Variants in WWC1 observed in about 807,000 individuals in gnomAD.
The protein encoded by WWC1 is protein KIBRA.
A neutral mutation model predicts 138.4 loss-of-function variants in WWC1; 55 were observed. The observed-to-expected ratio is 0.40, with a 90% CI of 0.32 to 0.50. The LOEUF (loss-of-function observed/expected upper bound fraction) is 0.50. Among genes scored for constraint, WWC1 ranks in the 20% least tolerant of loss-of-function variants. The probability of loss-of-function intolerance (pLI) is 0.72; values close to 1 mark genes in which losing one functional copy is unlikely to be tolerated. For missense variants in WWC1, 1,226 were observed against 1,420.4 expected (o/e 0.86, Z 2.20); for synonymous variants, 524 against 564.9 (o/e 0.93, Z 1.03).
At chr5:168,381,405 A>T (rs1360401060) in intron 2 of WWC1, among the ~76,000 whole-genome samples, 1 of 152,124 alleles carries the variant, frequency 6.6e-6, no homozygotes, top group African/African-American at 2.4e-5. Flanking sequence ...TGGGCAGGCG[A>T]TTCCACCTGG....
chr5:168,403,083 CTTTCTTT>C (rs1779503021), intron 5 of WWC1, among the ~76,000 whole-genome samples: 12 of 100,518 alleles, frequency 1.2e-4, no homozygotes, highest in East Asian at 2.9e-4. Context: ...TCTTTCTTTT[CTTTCTTT>C]TCTTTCTTTC....
At chr5:168,468,046 C>G in intron 22 of WWC1, 82 bp downstream of exon 22, 3 of 1,576,348 alleles carry the variant, frequency 1.9e-6, no homozygotes, top group African/African-American at 1.4e-5. Context: ...TCTTACTGCT[C>G]TCATCCCTTG....
intron 3 of WWC1, among the ~76,000 whole-genome samples, chr5:168,385,857 C>T (rs990186254): frequency 1.1e-4 from 17 of 152,152 alleles, no homozygotes; most frequent in South Asian, 4.2e-4. Flanking sequence ...ATATATTTAC[C>T]GCAATTTCAA....
intron 17 of WWC1, among the ~76,000 whole-genome samples, chr5:168,447,871 C>T (rs1561780652): frequency 2.0e-5 from 3 of 151,586 alleles, no homozygotes. Flanking sequence ...GTTTCTCTGC[C>T]TCTCTCTCTC....
chr5:168,468,298 T>C (rs1757466591), intron 22 of WWC1, among the ~76,000 whole-genome samples: 1 of 152,138 alleles, frequency 6.6e-6, no homozygotes, highest in Non-Finnish European at 1.5e-5. Context: ...CTAGGGGTGA[T>C]GGATGCTCGC....
chr5:168,426,366 C>G (rs1160784837), intron 11 of WWC1, among the ~76,000 whole-genome samples: 1 of 152,058 alleles, frequency 6.6e-6, no homozygotes, highest in African/African-American at 2.4e-5. Flanking sequence ...ACACTCAGAC[C>G]CCAGCTATGT....
chr5:168,464,737 G>A lies in WWC1; in HGVS notation c.2925G>A (p.Ser975=), dbSNP rs760684557. 49 of 1,614,016 alleles carry A rather than the reference G, an allele frequency of 3.0e-5. No homozygotes were observed. The South Asian group carries it at 3.4e-4, about 11-fold the overall frequency. The change falls in exon 21 of 23, where the codon TCG becomes TCA. Residue 975 remains serine (S), a synonymous_variant. Transcript: ENST00000265293. ...CGTCCCCACCCCCACAGCCTTCCTC[G>A]GTCAAGTCGCTGCGCTCCGAGCGTC... ...RRSVRMKRPS[S]VKSLRSERLI...
intron 15 of WWC1, among the ~76,000 whole-genome samples, chr5:168,435,933 C>A (rs972424194): frequency 6.6e-6 from 1 of 152,000 alleles, no homozygotes; most frequent in Non-Finnish European, 1.5e-5. Context: ...ACCTCCGCTT[C>A]CCGGGTCCAA....
chr5:168,326,439 A>G (rs977330871), intron 1 of WWC1, among the ~76,000 whole-genome samples: 2 of 150,256 alleles, frequency 1.3e-5, no homozygotes, highest in African/African-American at 4.9e-5. Flanking sequence ...CTGGTCTCGA[A>G]CTCCCCACCT....
At position 168,423,947 on chromosome 5, in the gene WWC1, C is replaced by T. The variant is rs374833326; in HGVS notation, c.1689C>T (p.Asn563=). ...DPLLAGDAFL[N]SLEFEDPELS... Reference sequence around the variant, plus strand: ...TCCTGGCTGGTGATGCCTTCCTCAACTCCTTGGAGTTTGAAGACCCGGAGC... The same window carrying T: ...TCCTGGCTGGTGATGCCTTCCTCAATTCCTTGGAGTTTGAAGACCCGGAGC... Residue 563 remains asparagine (N), a synonymous_variant, in exon 11 of 23, where the codon AAC becomes AAT. Coordinates refer to ENST00000265293, the MANE Select transcript of WWC1 (RefSeq NM_015238.3). 14 of 1,614,042 alleles carry T rather than the reference C, an allele frequency of 8.7e-6. No homozygotes were observed. The highest frequency in any genetic ancestry group is 6.7e-5 in the East Asian group (3 of 44,882).
rs561143579 is a variant in WWC1 at position 168,370,567 on chromosome 5, T to C, written c.120-857T>C. On this transcript the variant is annotated intron_variant, in intron 1 of 22. Coordinates refer to ENST00000265293, the MANE Select transcript of WWC1 (RefSeq NM_015238.3). ...TATGTATTTTAGGCAGAGGCAGTGA[T>C]GGGAAGAAACCAAAGTGACTGTCTG... 1.4e-4 allele frequency among the ~76,000 whole-genome samples: 21 copies of C among 152,264 alleles called. No homozygotes were observed. In the South Asian group the frequency reaches 4.4e-3, roughly 32 times the overall value.
At chr5:168,347,809 G>C (rs986434005) in intron 1 of WWC1, among the ~76,000 whole-genome samples, 3 of 152,182 alleles carry the variant, frequency 2.0e-5, no homozygotes, top group African/African-American at 7.2e-5. Flanking sequence ...TATCAAGAAT[G>C]ATTCTGTCCC....
At chr5:168,306,820 C>T (rs10064645) in intron 1 of WWC1, among the ~76,000 whole-genome samples, 3,228 of 152,324 alleles carry the variant, frequency 0.021, 117 homozygotes, top group African/African-American at 0.073. Context: ...TGGTCTGGAA[C>T]TCCTGACCTC....
chr5:168,432,075 T>C (rs1025931774), intron 15 of WWC1, among the ~76,000 whole-genome samples: 1 of 141,432 alleles, frequency 7.1e-6, no homozygotes, highest in South Asian at 2.2e-4. Flanking sequence ...AAGCACAGAG[T>C]AATGAAAGCA....
chr5:168,292,397 T>G lies in WWC1; in HGVS notation c.119+126T>G. The G allele has an allele frequency of 1.8e-6, 2 of 1,110,580 alleles. No homozygotes were observed. The highest frequency in any genetic ancestry group is 2.5e-6 in the Non-Finnish European group (2 of 796,008). The allele number at this position is 1,110,580 out of a possible 1,614,324, so 68.8% of individuals were successfully genotyped here. ...TGCGTGCCTCTTGAGCTCTCTTCAG[T>G]TCGCCACCCCCTGCTCCCCCCAACC... On this transcript the variant is annotated intron_variant, in intron 1 of 22. Coordinates refer to ENST00000265293, the MANE Select transcript of WWC1 (RefSeq NM_015238.3). This position sits in a 1 kb window ranked among gnomAD's most constrained non-coding sequence, Gnocchi z 4.4.
At position 168,333,082 on chromosome 5, in the gene WWC1, G is replaced by A. The variant is rs561492839; in HGVS notation, c.120-38342G>A. On this transcript the variant is annotated intron_variant, in intron 1 of 22. Coordinates refer to ENST00000265293, the MANE Select transcript of WWC1 (RefSeq NM_015238.3). ...CCCCACCTCAGACCTCCTGACTTCA[G>A]CATCTCTGGGGATGGCACCCCCGGT... is the stretch of plus-strand genomic sequence containing the variant. Among the ~76,000 whole-genome samples the A allele has an allele frequency of 9.8e-5, 15 of 152,320 alleles. No homozygotes were observed. In the East Asian group the frequency reaches 2.9e-3, roughly 29 times the overall value.
chr5:168,470,450 G>A lies in WWC1; in HGVS notation c.*1433G>A, dbSNP rs1757622537. On this transcript the variant is annotated 3_prime_UTR_variant, in exon 23 of 23. Transcript: ENST00000265293. ...GAGGCAGGAGAATGACCTGAACCTGGGAGGCAGAGCTTGCAGTGAGCTGAG... is the reference window on the plus strand; with the variant it reads ...GAGGCAGGAGAATGACCTGAACCTGAGAGGCAGAGCTTGCAGTGAGCTGAG... 1 of 151,928 alleles carries A rather than the reference G, an allele frequency of 6.6e-6. No individual in the cohort carries two copies. Among genetic ancestry groups the A allele is most frequent in the African/African-American group, 2.4e-5 (1 of 41,324 alleles). The allele number at this position is 151,928 out of a possible 1,614,324, so 9.4% of individuals were successfully genotyped here.
At chr5:168,324,407 TG>T in intron 1 of WWC1, among the ~76,000 whole-genome samples, 1 of 152,146 alleles carries the variant, frequency 6.6e-6, no homozygotes. Context: ...TACTCCAGCT[TG>T]GGTAACAGAG....
At chr5:168,363,573 C>T (rs1415795668) in intron 1 of WWC1, among the ~76,000 whole-genome samples, 1 of 151,294 alleles carries the variant, frequency 6.6e-6, no homozygotes, top group Non-Finnish European at 1.5e-5. Flanking sequence ...CCCAGCTCCT[C>T]CAGGAAGGGA....
Sources: gnomAD v4.1 joint callset for allele counts (sites outside exome capture counted in the v4.1 genomes callset) on GRCh38, gnomAD v4.1.1 for gene constraint, Gnocchi (gnomAD v3.1) non-coding constraint, MANE v1.5 for transcripts, NCBI Gene and HGNC (gene_info 2026-07-23, HGNC 2026-07-21) for gene names.